CCDC91: variants seen among roughly 807,000 people sequenced by gnomAD.
CCDC91 encodes coiled-coil domain containing 91.
Under a neutral mutation model 63.2 loss-of-function variants are expected in CCDC91, and 48 were observed. The observed-to-expected ratio is 0.76, with a 90% confidence interval of 0.60 to 0.97. The LOEUF (loss-of-function observed/expected upper bound fraction) is 0.97, where lower values mean the gene tolerates loss of function less well. CCDC91 is among the 50% of genes least tolerant of loss of function. CCDC91 has a pLI of 0.00. For missense variants in CCDC91, 500 were observed against 494.6 expected, an observed-to-expected ratio of 1.01 and a Z score of -0.10; for synonymous variants, 167 against 165.8, an observed-to-expected ratio of 1.01 and a Z score of -0.06.
At chr12:28,525,783 C>T (rs1330670466) in intron 12 of CCDC91, among the ~76,000 whole-genome samples, 1 of 151,670 alleles carries the variant, frequency 6.6e-6, no homozygotes, top group Non-Finnish European at 1.5e-5. Context: ...TTGGGATCTC[C>T]CAAATTTATA....
chr12:28,429,610 A>G (rs1948519902), intron 8 of CCDC91, among the ~76,000 whole-genome samples: 1 of 152,168 alleles, frequency 6.6e-6, no homozygotes, highest in African/African-American at 2.4e-5. Flanking sequence ...AAAAGAATTG[A>G]CATTTAAAAG....
At chr12:28,223,832 A>G (rs1186693318) in intron 1 of CCDC91, among the ~76,000 whole-genome samples, 1 of 152,214 alleles carries the variant, frequency 6.6e-6, no homozygotes, top group Non-Finnish European at 1.5e-5. Context: ...AGGAAAAGAA[A>G]TGTCTTCTTA....
At chr12:28,520,728 T>C (rs1279134304) in intron 12 of CCDC91, among the ~76,000 whole-genome samples, 10 of 151,984 alleles carry the variant, frequency 6.6e-5, no homozygotes, top group South Asian at 2.1e-4. Flanking sequence ...GTCTTTAATC[T>C]ATCTTGAATT....
chr12:28,222,016 C>G (rs1203431443), intron 1 of CCDC91, among the ~76,000 whole-genome samples: 1 of 152,136 alleles, frequency 6.6e-6, no homozygotes, highest in Non-Finnish European at 1.5e-5. Flanking sequence ...GGAGTTATAA[C>G]TTTGTTTCGT....
rs746411303 is a variant in CCDC91 at position 28,452,577 on chromosome 12, A to G, written c.1024A>G (p.Thr342Ala). 1 of 1,591,590 alleles carries G rather than the reference A, an allele frequency of 6.3e-7. No individual in the cohort carries two copies. Among genetic ancestry groups the G allele is most frequent in the South Asian group, 1.2e-5 (1 of 86,466 alleles). ...AHAEERELWK[T>A]EHAKDQEKVS... The stretch of plus-strand genomic sequence containing the variant: ...TGCTGAAGAAAGGGAATTATGGAAG[A>G]CAGAACATGCAAAAGATCAAGAAAA... The change falls in exon 11 of 13, where the codon ACA (threonine) becomes GCA (alanine). Residue 342 changes from threonine (T) to alanine (A), a missense_variant. Thr to Ala is a moderately conservative substitution (Grantham distance 58). Transcript: ENST00000536442.
intron 1 of CCDC91, among the ~76,000 whole-genome samples, chr12:28,237,622 C>T (rs1945054684): frequency 6.6e-6 from 1 of 152,180 alleles, no homozygotes; most frequent in South Asian, 2.1e-4. Flanking sequence ...GGATTCTCCC[C>T]TAGAGCCTCC....
At chr12:28,537,002 A>G (rs558366566) in intron 12 of CCDC91, among the ~76,000 whole-genome samples, 7 of 152,168 alleles carry the variant, frequency 4.6e-5, no homozygotes, top group Non-Finnish European at 1.0e-4. Flanking sequence ...GTTCTGGGGA[A>G]AACCTACTAT....
At chr12:28,410,625 A>G (rs1295387977) in intron 8 of CCDC91, among the ~76,000 whole-genome samples, 2 of 152,010 alleles carry the variant, frequency 1.3e-5, no homozygotes, top group East Asian at 3.9e-4. Context: ...GGGCTCAAGC[A>G]GTTCTCCTGC....
At chr12:28,415,296 T>C (rs963401469) in intron 8 of CCDC91, among the ~76,000 whole-genome samples, 1 of 152,140 alleles carries the variant, frequency 6.6e-6, no homozygotes, top group Admixed American at 6.5e-5. Context: ...CGATCTCGGC[T>C]CACTGCAACC....
chr12:28,233,159 C>T (rs917992923), intron 1 of CCDC91, among the ~76,000 whole-genome samples: 2 of 151,816 alleles, frequency 1.3e-5, no homozygotes, highest in African/African-American at 4.8e-5. Flanking sequence ...TAAATATATA[C>T]CTGTGTAACA....
intron 7 of CCDC91, among the ~76,000 whole-genome samples, chr12:28,386,359 T>A (rs1477878238): frequency 6.6e-6 from 1 of 152,186 alleles, no homozygotes; most frequent in Non-Finnish European, 1.5e-5. Flanking sequence ...TTTAACACTT[T>A]AAAAATTATT....
rs1948461560 is a variant in CCDC91, at chr12:28,279,541, C to T, written c.109+20099C>T. 2.0e-5 allele frequency among the ~76,000 whole-genome samples: 3 copies of T among 152,100 alleles called. No individual in the cohort carries two copies. The South Asian group carries it at 6.2e-4, about 31-fold the overall frequency. ...ACCCTGGGAAGGGAGGCACCAGCTCCTTTCTGGTTCTGAATCACTTTGGTG... is the reference window on the plus strand; with the variant it reads ...ACCCTGGGAAGGGAGGCACCAGCTCTTTTCTGGTTCTGAATCACTTTGGTG... On this transcript the variant is annotated intron_variant, in intron 3 of 12. Coordinates refer to ENST00000536442, the MANE Select transcript of CCDC91 (RefSeq NM_018318.5).
At chr12:28,322,753 G>C (rs1024028090) in intron 6 of CCDC91, among the ~76,000 whole-genome samples, 2 of 151,460 alleles carry the variant, frequency 1.3e-5, no homozygotes, top group Non-Finnish European at 3.0e-5. Context: ...ATAACTTCTA[G>C]ACAGATAGTA....
intron 1 of CCDC91, among the ~76,000 whole-genome samples, chr12:28,235,900 GTAATCA>G (rs1405787853): frequency 3.9e-5 from 6 of 151,922 alleles, no homozygotes; most frequent in Non-Finnish European, 8.8e-5. Flanking sequence ...TATATCATCT[GTAATCA>G]TAAAGGACAG....
chr12:28,483,887 C>T (rs1319374689), intron 11 of CCDC91, among the ~76,000 whole-genome samples, 165 bp from the exon 12 acceptor site: 4 of 152,096 alleles, frequency 2.6e-5, no homozygotes, highest in Non-Finnish European at 5.9e-5. Context: ...TGTGAACTCT[C>T]TAACAGATCG....
intron 3 of CCDC91, among the ~76,000 whole-genome samples, chr12:28,296,076 A>G (rs1259665934): frequency 6.6e-6 from 1 of 151,408 alleles, no homozygotes; most frequent in East Asian, 1.9e-4. Context: ...TTATTTTTGG[A>G]TGCTGTGGTA....
chr12:28,312,352 G>A (rs1184413761), intron 6 of CCDC91, among the ~76,000 whole-genome samples: 1 of 151,898 alleles, frequency 6.6e-6, no homozygotes. Flanking sequence ...GCATATTTAT[G>A]TGTATGTGTT....
chr12:28,270,812 C>T (rs1947718636), intron 3 of CCDC91, among the ~76,000 whole-genome samples: 1 of 152,036 alleles, frequency 6.6e-6, no homozygotes, highest in Non-Finnish European at 1.5e-5. Context: ...TATGATCCTG[C>T]TTGACGTTAG....
intron 12 of CCDC91, among the ~76,000 whole-genome samples, chr12:28,545,863 G>T (rs374446013): frequency 6.6e-6 from 1 of 152,074 alleles, no homozygotes; most frequent in East Asian, 1.9e-4. Context: ...AGCAACAGAG[G>T]TTGAATGCTT....
Sources: gnomAD v4.1 joint callset for allele counts (sites outside exome capture counted in the v4.1 genomes callset) on GRCh38, gnomAD v4.1.1 for gene constraint, MANE v1.5 for transcripts, NCBI Gene and HGNC (gene_info 2026-07-23, HGNC 2026-07-21) for gene names.